CSGALNACT1: variants seen among roughly 807,000 people sequenced by gnomAD.
The protein encoded by CSGALNACT1 is beta4GalNAcT-1.
CSGALNACT1 carries 52 observed loss-of-function variants against 51.0 expected under a neutral mutation model. The observed-to-expected ratio is 1.02, with a 90% confidence interval of 0.82 to 1.29. CSGALNACT1 has a LOEUF of 1.29. Among genes scored for constraint, CSGALNACT1 ranks in the 50% most tolerant of loss-of-function variants. CSGALNACT1 has a pLI of 0.00. For synonymous variants in CSGALNACT1, 341 were observed against 254.4 expected, an observed-to-expected ratio of 1.34 and a Z score of -3.24; for missense variants, 935 against 679.2, an observed-to-expected ratio of 1.38 and a Z score of -4.19.
In CSGALNACT1 at chr8:19,639,397, T is replaced by C. The variant is rs541450309; in HGVS notation, c.-543-37532A>G. ...ATTTTGCTCCCAATTTTCCACAGAA[T>C]GGTTTTTATTTTCTAATATTTTCAT... On this transcript the variant is annotated intron_variant, in intron 1 of 9. Coordinates refer to the CSGALNACT1 transcript ENST00000332246. Among the ~76,000 whole-genome samples, 14 of 152,316 alleles carry C rather than the reference T, an allele frequency of 9.2e-5. 1 individual carries two copies. In the South Asian group the frequency reaches 1.0e-3, roughly 11 times the overall value.
chr8:19,584,793 T>C (rs888021278), intron 3 of CSGALNACT1, among the ~76,000 whole-genome samples: 7 of 152,182 alleles, frequency 4.6e-5, no homozygotes, highest in Non-Finnish European at 7.4e-5. Flanking sequence ...AAGGCAGTTA[T>C]AAAGCATCTC....
At chr8:19,723,190 A>G (rs998691444) in intron 1 of CSGALNACT1, among the ~76,000 whole-genome samples, 9 of 152,258 alleles carry the variant, frequency 5.9e-5, no homozygotes, top group African/African-American at 2.2e-4. Context: ...CTAAAATTTA[A>G]GATCAGTCTT....
At chr8:19,436,686 T>A (rs1358939394) in intron 6 of CSGALNACT1, among the ~76,000 whole-genome samples, 2 of 152,120 alleles carry the variant, frequency 1.3e-5, no homozygotes. Flanking sequence ...GCAAGAGGAT[T>A]GCTCAAGGCC....
intron 1 of CSGALNACT1, among the ~76,000 whole-genome samples, chr8:19,617,019 A>G (rs905063241): frequency 6.6e-6 from 1 of 152,334 alleles, no homozygotes; most frequent in African/African-American, 2.4e-5. Flanking sequence ...ACAACTCACC[A>G]TAATGTTGAA....
At chr8:19,460,514 T>C (rs2065126608) in intron 4 of CSGALNACT1, among the ~76,000 whole-genome samples, 1 of 152,152 alleles carries the variant, frequency 6.6e-6, no homozygotes, top group African/African-American at 2.4e-5. Flanking sequence ...GACAGTACCA[T>C]GGATTCTATT....
intron 1 of CSGALNACT1, among the ~76,000 whole-genome samples, chr8:19,724,944 G>A (rs963170766): frequency 6.6e-6 from 1 of 152,182 alleles, no homozygotes; most frequent in Non-Finnish European, 1.5e-5. Context: ...CGTAAGCAGA[G>A]AGCTGCGCCC....
At chr8:19,734,639 ACTCTT>A (rs2063865996) in intron 1 of CSGALNACT1, among the ~76,000 whole-genome samples, 2 of 152,058 alleles carry the variant, frequency 1.3e-5, no homozygotes, top group African/African-American at 2.4e-5. Context: ...ATTCTGAAGT[ACTCTT>A]CTCTTCTTCT....
At chr8:19,704,382 A>G (rs2062043664) in intron 1 of CSGALNACT1, among the ~76,000 whole-genome samples, 1 of 152,244 alleles carries the variant, frequency 6.6e-6, no homozygotes, top group Non-Finnish European at 1.5e-5. Context: ...GTCATCTATC[A>G]CTTCACACCT....
chr8:19,463,764 A>C (rs1304868654), intron 4 of CSGALNACT1, among the ~76,000 whole-genome samples: 1 of 152,132 alleles, frequency 6.6e-6, no homozygotes, highest in Non-Finnish European at 1.5e-5. Flanking sequence ...ATAAATGCTA[A>C]GCTTTCTTTG....
chr8:19,458,626 T>C, exon 5 of CSGALNACT1: 1 of 1,614,196 alleles, frequency 6.2e-7, no homozygotes. Context: ...CTTTGTCCCT[T>C]TCTGTTCGGT....
intron 1 of CSGALNACT1, among the ~76,000 whole-genome samples, chr8:19,657,985 A>T (rs1425988375): frequency 6.6e-6 from 1 of 151,248 alleles, no homozygotes; most frequent in Non-Finnish European, 1.5e-5. Flanking sequence ...TCAACCTTGA[A>T]ATCATTATTC....
intron 1 of CSGALNACT1, among the ~76,000 whole-genome samples, chr8:19,628,555 ATT>A (rs577493815): frequency 4.4e-4 from 67 of 152,326 alleles, no homozygotes; most frequent in Admixed American, 1.1e-3. Context: ...GCTTCAGAAA[ATT>A]TAAGTGAATT....
At chr8:19,446,496 AATTCATTC>A (rs375986004) in intron 5 of CSGALNACT1, among the ~76,000 whole-genome samples, 4 of 151,880 alleles carry the variant, frequency 2.6e-5, no homozygotes, top group Admixed American at 6.6e-5. Flanking sequence ...GAAGCCTGAA[AATTCATTC>A]ATTCATTCAT....
At chr8:19,457,026 T>C (rs1747027276) in intron 5 of CSGALNACT1, among the ~76,000 whole-genome samples, 1 of 152,250 alleles carries the variant, frequency 6.6e-6, no homozygotes, top group African/African-American at 2.4e-5. Flanking sequence ...GAACTTCCTA[T>C]CCAGAGATGA....
At chr8:19,497,883 G>A (rs1029419431) in intron 4 of CSGALNACT1, among the ~76,000 whole-genome samples, 1 of 152,102 alleles carries the variant, frequency 6.6e-6, no homozygotes, top group Non-Finnish European at 1.5e-5. Flanking sequence ...ACAGCCATTT[G>A]TCCCTTACAT....
intron 6 of CSGALNACT1, among the ~76,000 whole-genome samples, chr8:19,421,747 T>G (rs2057974388): frequency 6.6e-6 from 1 of 152,362 alleles, no homozygotes; most frequent in Non-Finnish European, 1.5e-5. Flanking sequence ...TCAGTAAAAC[T>G]AGTTCTGCGA....
At chr8:19,740,434 C>T (rs2064240742) in intron 1 of CSGALNACT1, among the ~76,000 whole-genome samples, 8 of 152,220 alleles carry the variant, frequency 5.3e-5, no homozygotes, top group Admixed American at 5.2e-4. Flanking sequence ...GATGAAAGGA[C>T]AGTGACGGGC....
At chr8:19,611,239 T>C (rs1220324151) in intron 1 of CSGALNACT1, among the ~76,000 whole-genome samples, 1 of 152,234 alleles carries the variant, frequency 6.6e-6, no homozygotes, top group East Asian at 1.9e-4. Context: ...GAAAAAGTCA[T>C]TCTGAGCACT....
At chr8:19,490,940 C>T (rs117764340) in intron 4 of CSGALNACT1, among the ~76,000 whole-genome samples, 2,518 of 152,268 alleles carry the variant, frequency 0.017, 24 homozygotes, top group Middle Eastern at 0.041. Context: ...TATTCTGTCA[C>T]GTTTAGAATC....
Sources: allele counts gnomAD v4.1 joint callset (sites outside exome capture counted in the v4.1 genomes callset), GRCh38; gene constraint gnomAD v4.1.1; transcripts MANE v1.5; gene names NCBI Gene and HGNC (gene_info 2026-07-23, HGNC 2026-07-21).